Variants in BMP6 observed in about 807,000 individuals in gnomAD.
BMP6 encodes the protein VG-1-R.
In BMP6, 17 loss-of-function variants were observed where a neutral mutation model predicts 54.1. That is an observed-to-expected ratio of 0.31 (90% CI 0.22 to 0.47). BMP6 has a LOEUF of 0.47. Among genes scored for constraint, BMP6 ranks in the 20% least tolerant of loss-of-function variants. BMP6 has a pLI of 1.00. For synonymous variants in BMP6, 328 were observed against 291.2 expected (o/e 1.13, Z -1.28); for missense variants, 720 against 690.4 (o/e 1.04, Z -0.48).
intron 1 of BMP6, among the ~76,000 whole-genome samples, chr6:7,756,862 A>G (rs1485336688): frequency 6.6e-6 from 1 of 152,156 alleles, no homozygotes; most frequent in African/African-American, 2.4e-5. Context: ...CCAGCACGCA[A>G]ACTTTCCCCA....
intron 1 of BMP6, among the ~76,000 whole-genome samples, chr6:7,828,238 T>G (rs1472754582): frequency 6.6e-6 from 1 of 152,206 alleles, no homozygotes; most frequent in East Asian, 1.9e-4. Flanking sequence ...GAGGGCTGGT[T>G]GCCCCAGAAA....
intron 1 of BMP6, among the ~76,000 whole-genome samples, chr6:7,732,914 TA>T (rs1228894062): frequency 2.7e-5 from 4 of 146,638 alleles, no homozygotes; most frequent in African/African-American, 7.6e-5. Flanking sequence ...TTTTTTTTTT[TA>T]AGACAGTATC....
In BMP6 at chr6:7,727,276, C is replaced by CCGGCAGCAGGAGGAGCAGCAG; in HGVS notation, c.323_343dup (p.Arg108_Gln114dup). ...TCCAACAGCCGCAGCCCCCGGCGCT[C>CCGGCAGCAGGAGGAGCAGCAG]CGGCAGCAGGAGGAGCAGCAGCAGC... On this transcript the variant is annotated inframe_insertion, in exon 1 of 7. Coordinates refer to ENST00000283147, the MANE Select transcript of BMP6 (RefSeq NM_001718.6). 1.2e-6 allele frequency: 2 copies of CCGGCAGCAGGAGGAGCAGCAG among 1,605,980 alleles called. No homozygotes were observed. Among genetic ancestry groups the CCGGCAGCAGGAGGAGCAGCAG allele is most frequent in the Non-Finnish European group, 1.7e-6 (2 of 1,176,960 alleles).
intron 1 of BMP6, among the ~76,000 whole-genome samples, chr6:7,830,190 A>G (rs753237211): frequency 6.6e-6 from 1 of 151,796 alleles, no homozygotes; most frequent in Non-Finnish European, 1.5e-5. Context: ...TCTCTCTCAT[A>G]TCCGTGCTCC....
In BMP6 at chr6:7,726,862, C is replaced by G; in HGVS notation, c.-94C>G. 1.3e-6 allele frequency: 1 copy of G among 781,484 alleles called. No individual in the cohort carries two copies. Among genetic ancestry groups the G allele is most frequent in the Non-Finnish European group, 1.6e-6 (1 of 631,820 alleles). 48.4% of individuals were successfully genotyped at this position (781,484 alleles called of 1,614,324 possible). A position where few individuals can be genotyped will look rare whatever the true frequency, so the allele number is the denominator to read the frequency against. ...CGAGCCCGCCGAGAGGTGGCGGGGACTGCTCACGCCAAGGGCCACAGCGGC... is the reference window on the plus strand; with the variant it reads ...CGAGCCCGCCGAGAGGTGGCGGGGAGTGCTCACGCCAAGGGCCACAGCGGC... On this transcript the variant is annotated 5_prime_UTR_variant, in exon 1 of 7. Coordinates refer to ENST00000283147, the MANE Select transcript of BMP6 (RefSeq NM_001718.6).
At chr6:7,793,171 C>T (rs1374632144) in intron 1 of BMP6, among the ~76,000 whole-genome samples, 3 of 151,978 alleles carry the variant, frequency 2.0e-5, no homozygotes, top group African/African-American at 7.2e-5. Flanking sequence ...CTGGCACATC[C>T]AGACGATGGG....
In BMP6 at chr6:7,799,263, C is replaced by T. The variant is rs888305524; in HGVS notation, c.665-45877C>T. Among the ~76,000 whole-genome samples, 6 of 152,146 alleles carry T rather than the reference C, an allele frequency of 3.9e-5. 1 individual carries two copies. The highest frequency in any genetic ancestry group is 8.8e-5 in the Non-Finnish European group (6 of 68,038). ...ATACTCCTTTCTCAATTATCCATCTCAAGGTTTATTTATGTTGTGGATTTG... is the reference window on the plus strand; with the variant it reads ...ATACTCCTTTCTCAATTATCCATCTTAAGGTTTATTTATGTTGTGGATTTG... On this transcript the variant is annotated intron_variant, in intron 1 of 6. Transcript: ENST00000283147.
At position 7,850,507 on chromosome 6, in the gene BMP6, A is replaced by C. The variant is rs572810594; in HGVS notation, c.857+5175A>C. 2.0e-5 allele frequency among the ~76,000 whole-genome samples: 3 copies of C among 152,328 alleles called. No homozygotes were observed. In the South Asian group the frequency reaches 6.2e-4, roughly 32 times the overall value. On this transcript the variant is annotated intron_variant, in intron 2 of 6. Coordinates refer to ENST00000283147, the MANE Select transcript of BMP6 (RefSeq NM_001718.6). ...GGAGGCTGCTGTTGGAGTCTCCAGG[A>C]ACAATCCCAGACTGAACTATTGCTT...
intron 1 of BMP6, among the ~76,000 whole-genome samples, chr6:7,820,677 AT>A (rs2113223148): frequency 6.6e-6 from 1 of 152,054 alleles, no homozygotes; most frequent in Admixed American, 6.5e-5. Context: ...CCTGCAGCAC[AT>A]TTTTCTAGGA....
At chr6:7,870,359 T>G (rs1267990622) in intron 4 of BMP6, among the ~76,000 whole-genome samples, 6 of 152,316 alleles carry the variant, frequency 3.9e-5, no homozygotes, top group South Asian at 2.1e-4. Flanking sequence ...TACCACTGAT[T>G]GCATCGTGCA....
At chr6:7,780,406 G>T (rs928432091) in intron 1 of BMP6, among the ~76,000 whole-genome samples, 1 of 152,020 alleles carries the variant, frequency 6.6e-6, no homozygotes, top group Non-Finnish European at 1.5e-5. Flanking sequence ...AAAATTAGCC[G>T]GATGTGGTGG....
At chr6:7,743,585 C>T (rs1008269674) in intron 1 of BMP6, among the ~76,000 whole-genome samples, 1 of 152,178 alleles carries the variant, frequency 6.6e-6, no homozygotes, top group African/African-American at 2.4e-5. Flanking sequence ...TGCTCTCCCT[C>T]CCTCTCTCAT....
chr6:7,813,495 T>G (rs1399507496), intron 1 of BMP6, among the ~76,000 whole-genome samples: 1 of 111,332 alleles, frequency 9.0e-6, no homozygotes, highest in Non-Finnish European at 1.9e-5. Context: ...TTTAAAAAAC[T>G]AGCTGAGCAT....
intron 1 of BMP6, among the ~76,000 whole-genome samples, chr6:7,757,141 G>A (rs270404): frequency 0.48 from 72,615 of 152,040 alleles, 18,172 homozygotes; most frequent in Non-Finnish European, 0.56. Flanking sequence ...CCCTCTCCCT[G>A]GGCTGCCACG....
In BMP6 at chr6:7,845,180, C is replaced by G; in HGVS notation, c.705C>G (p.His235Gln). 2 of 1,614,048 alleles carry G rather than the reference C, an allele frequency of 1.2e-6. No individual in the cohort carries two copies. The highest frequency in any genetic ancestry group is 1.7e-6 in the Non-Finnish European group (2 of 1,179,962). ...DKEFSPRQRH[H>Q]KEFKFNLSQI... ...AGTTCTCCCCTCGTCAGCGACACCA[C>G]AAAGAGTTCAAGTTCAACTTATCCC... The change falls in exon 2 of 7, where the codon CAC (histidine) becomes CAG (glutamine). Residue 235 changes from histidine (H) to glutamine (Q), a missense_variant. Physicochemically the swap from His to Gln is conservative, Grantham distance 24. Around this residue, in one of 3 missense-constraint regions of BMP6, gnomAD observed 650 missense variants for 556.3 expected, o/e 1.17. Coordinates refer to ENST00000283147, the MANE Select transcript of BMP6 (RefSeq NM_001718.6).
intron 1 of BMP6, among the ~76,000 whole-genome samples, chr6:7,842,215 G>A (rs1393030362): frequency 1.3e-5 from 2 of 152,172 alleles, no homozygotes; most frequent in African/African-American, 4.8e-5. Flanking sequence ...GGAATGACCA[G>A]GTTCAACTAG....
At chr6:7,843,582 C>T (rs1759013269) in intron 1 of BMP6, among the ~76,000 whole-genome samples, 4 of 151,932 alleles carry the variant, frequency 2.6e-5, no homozygotes, top group Admixed American at 2.6e-4. Context: ...TGGGAAAACT[C>T]TGCTATAAGG....
chr6:7,750,038 A>G (rs79440553), intron 1 of BMP6, among the ~76,000 whole-genome samples: 2,286 of 152,298 alleles, frequency 0.015, 21 homozygotes, highest in Non-Finnish European at 0.021. Flanking sequence ...GATTCTGGCA[A>G]TGGGCACAGT....
intron 1 of BMP6, among the ~76,000 whole-genome samples, chr6:7,768,047 G>A (rs1263233708): frequency 1.3e-5 from 2 of 152,080 alleles, no homozygotes; most frequent in Non-Finnish European, 2.9e-5. Flanking sequence ...GCTGGAGATA[G>A]GTATTTTCCT....
Sources: gnomAD v4.1 joint callset for allele counts (sites outside exome capture counted in the v4.1 genomes callset) on GRCh38, gnomAD v4.1.1 for gene constraint, gnomAD v4.1.1 regional missense constraint, MANE v1.5 for transcripts, NCBI Gene and HGNC (gene_info 2026-07-23, HGNC 2026-07-21) for gene names.